Variants in PAPPA observed in about 807,000 individuals in gnomAD.
PAPPA encodes the protein pappalysin-1.
PAPPA carries 60 observed loss-of-function variants against 164.0 expected under a neutral mutation model. The ratio of observed to expected loss-of-function variants is 0.37; its 90% CI spans 0.30 to 0.45. The LOEUF (loss-of-function observed/expected upper bound fraction) is 0.45, where lower values mean the gene tolerates loss of function less well. PAPPA is among the 20% of genes least tolerant of loss of function. The pLI, the probability that PAPPA is intolerant of heterozygous loss-of-function variation, is 1.00. For synonymous variants in PAPPA, 875 were observed against 814.1 expected, an observed-to-expected ratio of 1.07 and a Z score of -1.27; for missense variants, 1,782 against 2,087.3, an observed-to-expected ratio of 0.85 and a Z score of 2.85.
chr9:116,306,523 G>C (rs1217663479), intron 10 of PAPPA, among the ~76,000 whole-genome samples: 4 of 152,114 alleles, frequency 2.6e-5, no homozygotes, highest in Non-Finnish European at 5.9e-5. Flanking sequence ...TGTGCAAATT[G>C]GGTTGAACAT....
chr9:116,180,568 G>C (rs1843892449), intron 1 of PAPPA, among the ~76,000 whole-genome samples: 1 of 152,042 alleles, frequency 6.6e-6, no homozygotes. Flanking sequence ...CTTTTTCACA[G>C]CAGAAATGTC....
chr9:116,399,843 T>C lies in PAPPA; in HGVS notation c.*3227T>C, dbSNP rs1014965676. 2 of 152,640 alleles carry C rather than the reference T, an allele frequency of 1.3e-5. No individual in the cohort carries two copies. Among genetic ancestry groups the C allele is most frequent in the Admixed American group, 6.5e-5 (1 of 15,270 alleles). 9.5% of individuals were successfully genotyped at this position (152,640 alleles called of 1,614,324 possible). A position where few individuals can be genotyped will look rare whatever the true frequency, so the allele number is the denominator to read the frequency against. ...CAGGGTATCAGCTGCCACTCCTGGC[T>C]TCAACACATTGAGTCACTGCCTAGA... On this transcript the variant is annotated 3_prime_UTR_variant, in exon 22 of 22. Transcript: ENST00000328252.
chr9:116,332,256 AATGC>A, intron 11 of PAPPA, 73 bp from the exon 12 acceptor site: 1 of 1,329,086 alleles, frequency 7.5e-7, no homozygotes, highest in South Asian at 1.3e-5. Context: ...TTTCTCCTCA[AATGC>A]ACCCCAATGT....
In PAPPA at chr9:116,227,545, A is replaced by G. The variant is rs1264375731; in HGVS notation, c.2226A>G (p.Glu742=). 2.7e-5 allele frequency: 43 copies of G among 1,613,864 alleles called. No homozygotes were observed. The highest frequency in any genetic ancestry group is 3.6e-5 in the Non-Finnish European group (43 of 1,179,956). ...CSPSGHWSPR[E]AEGHPDVEQP... is the part of the protein sequence containing the mutation. ...CATCAGGACACTGGAGCCCTCGTGA[A>G]GCAGAAGGTAAGCCAGCCTTCTGGA... Residue 742 remains glutamate, a synonymous_variant, in exon 6 of 22, where the codon GAA becomes GAG. Coordinates refer to ENST00000328252, the MANE Select transcript of PAPPA (RefSeq NM_002581.5).
chr9:116,227,495 G>T lies in PAPPA; in HGVS notation c.2176G>T (p.Ala726Ser). 2 of 1,614,028 alleles carry T rather than the reference G, an allele frequency of 1.2e-6. No homozygotes were observed. The highest frequency in any genetic ancestry group is 1.7e-6 in the Non-Finnish European group (2 of 1,179,958). ...AATCCTGGTGCAGTATGCTTCCAAC[G>T]CTTCCTCCCCAATGCCCTGCAGCCC... is the stretch of plus-strand genomic sequence containing the variant. Reference protein sequence around the residue: ...GRILVQYASNASSPMPCSPSG... With the variant: ...GRILVQYASNSSSPMPCSPSG... The change falls in exon 6 of 22, where the codon GCT becomes TCT. Residue 726 changes from alanine (A) to serine (S), a missense_variant. This residue lies in a region of PAPPA where 1,324 missense variants were observed against 1,656.9 expected (regional missense o/e 0.80). Transcript: ENST00000328252.
At chr9:116,344,487 GAGCATAGC>G in intron 13 of PAPPA, 48 bp from the exon 14 acceptor site, 1 of 1,550,530 alleles carries the variant, frequency 6.4e-7, no homozygotes, top group African/African-American at 1.4e-5. Flanking sequence ...TCTTCCAACT[GAGCATAGC>G]TGTCCTGTGA....
chr9:116,314,008 G>A (rs2118913238), intron 10 of PAPPA, among the ~76,000 whole-genome samples: 1 of 148,578 alleles, frequency 6.7e-6, no homozygotes, highest in African/African-American at 2.5e-5. Flanking sequence ...GACAGTGCTT[G>A]GAATAGAGTA....
chr9:116,272,743 G>A (rs777784712), intron 9 of PAPPA, among the ~76,000 whole-genome samples: 5 of 152,086 alleles, frequency 3.3e-5, no homozygotes, highest in South Asian at 2.1e-4. Context: ...AATATGGTCC[G>A]GTCCCTAGTA....
intron 9 of PAPPA, among the ~76,000 whole-genome samples, chr9:116,298,991 T>C (rs1019921516): frequency 6.6e-6 from 1 of 152,146 alleles, no homozygotes; most frequent in Non-Finnish European, 1.5e-5. Context: ...GCTGTCTTTG[T>C]TTTTTGCGGC....
chr9:116,261,153 C>T (rs1418172371), intron 7 of PAPPA, among the ~76,000 whole-genome samples: 3 of 152,126 alleles, frequency 2.0e-5, no homozygotes, highest in African/African-American at 7.2e-5. Context: ...ACTGTAAATA[C>T]AAAATATGAT....
chr9:116,226,993 C>G (rs577279872), intron 5 of PAPPA, among the ~76,000 whole-genome samples: 19 of 152,294 alleles, frequency 1.2e-4, no homozygotes, highest in African/African-American at 4.6e-4. Context: ...TATTTAATGC[C>G]TAAAACACAA....
chr9:116,187,985 T>A lies in PAPPA; in HGVS notation c.1247T>A (p.Ile416Asn). 6.2e-7 allele frequency: 1 copy of A among 1,614,108 alleles called. No individual in the cohort carries two copies. Among genetic ancestry groups the A allele is most frequent in the Non-Finnish European group, 8.5e-7 (1 of 1,180,022 alleles). The change falls in exon 2 of 22, where the codon ATC becomes AAC. Residue 416 changes from isoleucine to asparagine, a missense_variant. Ile to Asn is a moderately radical substitution (Grantham distance 149, BLOSUM62 -3). Transcript: ENST00000328252. The surrounding 1 kb of genome is among the most constrained non-coding windows in gnomAD (Gnocchi z 4.2). ...RRRLILANCD[I>N]SKIGDENCDP... is the part of the protein sequence containing the mutation. ...CGCCTCATCCTGGCCAACTGTGACA[T>A]CAGCAAGATTGGGGATGAGAACTGT...
Position 116,362,695 on chromosome 9 carries a change from T to C in PAPPA, c.4451T>C (p.Leu1484Pro). 3.1e-6 allele frequency: 5 copies of C among 1,613,994 alleles called. No individual in the cohort carries two copies. Among genetic ancestry groups the C allele is most frequent in the Non-Finnish European group, 4.2e-6 (5 of 1,179,956 alleles). ...MQGQCSVPNE[L>P]NSNLKLQCPD... ...GGCCAGTGCTCGGTTCCAAACGAGC[T>C]CAACAGCAACCTCAAACTGCAGTGC... Residue 1484 changes from leucine to proline, a missense_variant, in exon 18 of 22, where the codon CTC becomes CCC. Coordinates refer to ENST00000328252, the MANE Select transcript of PAPPA (RefSeq NM_002581.5).
At chr9:116,338,136 G>A (rs747488285) in intron 13 of PAPPA, among the ~76,000 whole-genome samples, 5 of 152,048 alleles carry the variant, frequency 3.3e-5, no homozygotes, top group Non-Finnish European at 4.4e-5. Flanking sequence ...AACAGAAATT[G>A]AACAGTTTAT....
At chr9:116,385,682 T>C (rs1287697274) in intron 21 of PAPPA, among the ~76,000 whole-genome samples, 5 of 152,242 alleles carry the variant, frequency 3.3e-5, no homozygotes, top group Admixed American at 1.3e-4. Flanking sequence ...GTTAGGCTTT[T>C]TGTGTTAAGA....
At chr9:116,223,410 T>C (rs940512936) in intron 5 of PAPPA, among the ~76,000 whole-genome samples, 11 of 152,328 alleles carry the variant, frequency 7.2e-5, no homozygotes, top group African/African-American at 2.6e-4. Context: ...CACCTGATTG[T>C]TGGAAACCTA....
intron 7 of PAPPA, among the ~76,000 whole-genome samples, chr9:116,236,138 G>A (rs184642321): frequency 5.9e-5 from 9 of 152,292 alleles, no homozygotes; most frequent in African/African-American, 1.9e-4. Flanking sequence ...GCTGGAAAGT[G>A]AATATCAACT....
In PAPPA at chr9:116,347,156, C is replaced by A. The variant is rs769649101; in HGVS notation, c.3911C>A (p.Thr1304Asn). Residue 1304 changes from threonine (T) to asparagine (N), a missense_variant, in exon 15 of 22, where the codon ACC becomes AAC. Around this residue, in one of 2 missense-constraint regions of PAPPA, gnomAD observed 1,324 missense variants for 1,656.9 expected, o/e 0.80. Transcript: ENST00000328252. The surrounding 1 kb of genome is among the most constrained non-coding windows in gnomAD (Gnocchi z 4.5). ...GCCTCCTTCTCCTGCCCTGAGGGCA[C>A]CACCTTTGGCAGTCAATGTTCCTTC... ...YAASFSCPEG[T>N]TFGSQCSFQC... 3 of 1,614,074 alleles carry A rather than the reference C, an allele frequency of 1.9e-6. No individual in the cohort carries two copies. The highest frequency in any genetic ancestry group is 1.1e-5 in the South Asian group (1 of 91,048).
In PAPPA at chr9:116,362,620, G is replaced by A. The variant is rs199700644; in HGVS notation, c.4376G>A (p.Arg1459Gln). 75 of 1,613,988 alleles carry A rather than the reference G, an allele frequency of 4.6e-5. No homozygotes were observed. In the Admixed American group the frequency reaches 6.5e-4, roughly 14 times the overall value. ...QGLGSNVIHCRKDGTWNGSFH... is the reference protein window; with the variant it reads ...QGLGSNVIHCQKDGTWNGSFH... ...CTTGGGAGCAATGTCATTCATTGCC[G>A]GAAAGATGGCACCTGGAACGGCTCC... The change falls in exon 18 of 22, where the codon CGG becomes CAG. Residue 1459 changes from arginine (R) to glutamine (Q), a missense_variant. Coordinates refer to ENST00000328252, the MANE Select transcript of PAPPA (RefSeq NM_002581.5).
Sources: allele counts gnomAD v4.1 joint callset (sites outside exome capture counted in the v4.1 genomes callset), GRCh38; gene constraint gnomAD v4.1.1; regional missense constraint gnomAD v4.1.1; non-coding constraint Gnocchi (gnomAD v3.1); transcripts MANE v1.5; gene names NCBI Gene and HGNC (gene_info 2026-07-23, HGNC 2026-07-21).